METTL8: variants seen among roughly 807,000 people sequenced by gnomAD.
METTL8 encodes the protein tRNA N(3)-cytidine methyltransferase METTL8, mitochondrial.
A neutral mutation model predicts 48.7 loss-of-function variants in METTL8; 32 were observed. The ratio of observed to expected loss-of-function variants is 0.66; its 90% CI spans 0.50 to 0.88. The LOEUF is 0.88. METTL8 is among the 40% of genes least tolerant of loss of function. The pLI, the probability that METTL8 is intolerant of heterozygous loss-of-function variation, is 0.00. For missense variants in METTL8, 464 were observed against 474.4 expected (o/e 0.98, Z 0.20); for synonymous variants, 136 against 157.1 (o/e 0.87, Z 1.01).
At chr2:171,348,713 T>C (rs987517186) in intron 3 of METTL8, among the ~76,000 whole-genome samples, 2 of 152,186 alleles carry the variant, frequency 1.3e-5, no homozygotes, top group Non-Finnish European at 2.9e-5. Context: ...ATATGGTTGA[T>C]GTTTACATAG....
chr2:171,424,861 C>T (rs12469151), intron 1 of METTL8, among the ~76,000 whole-genome samples: 43,674 of 151,844 alleles, frequency 0.29, 7,231 homozygotes, highest in East Asian at 0.63. Flanking sequence ...CTGGGAGGGG[C>T]CAGGGGCAGA....
At chr2:171,359,759 T>C (rs1259992415) in intron 3 of METTL8, among the ~76,000 whole-genome samples, 3 of 152,028 alleles carry the variant, frequency 2.0e-5, no homozygotes, top group African/African-American at 4.8e-5. Flanking sequence ...ACTACAGGCA[T>C]GTGCCACCAC....
chr2:171,417,113 T>C, intron 1 of METTL8, among the ~76,000 whole-genome samples: 1 of 152,186 alleles, frequency 6.6e-6, no homozygotes, highest in South Asian at 2.1e-4. Context: ...AAAATTAACT[T>C]AGAATTTCTA....
At chr2:171,434,755 C>G, upstream of METTL8, 3 of 1,389,430 alleles carry the variant, frequency 2.2e-6, no homozygotes, top group Non-Finnish European at 2.8e-6. Context: ...GCGCGGCGGC[C>G]GAGCCTCCTG....
chr2:171,375,020 G>A (rs1257504268), intron 2 of METTL8: 18 of 1,023,940 alleles, frequency 1.8e-5, no homozygotes, highest in East Asian at 7.1e-5. Context: ...TCACGAGATC[G>A]ATTCCTGACT....
At chr2:171,425,695 T>C (rs761178409) in intron 1 of METTL8, among the ~76,000 whole-genome samples, 3 of 152,192 alleles carry the variant, frequency 2.0e-5, no homozygotes, top group Non-Finnish European at 4.4e-5. Context: ...GAGAATTAGG[T>C]TATGCTGTTT....
intron 2 of METTL8, among the ~76,000 whole-genome samples, chr2:171,378,915 A>G (rs747157073): frequency 1.3e-5 from 2 of 152,226 alleles, no homozygotes; most frequent in South Asian, 2.1e-4. Flanking sequence ...GAACTGATGG[A>G]TATCTACAGA....
At position 171,322,389 on chromosome 2, in the gene METTL8, T is replaced by C. The variant is rs934300360; in HGVS notation, c.*1783A>G. 1 of 152,070 alleles carries C rather than the reference T, an allele frequency of 6.6e-6. No individual in the cohort carries two copies. The highest frequency in any genetic ancestry group is 1.5e-5 in the Non-Finnish European group (1 of 68,020). The allele number at this position is 152,070 out of a possible 1,614,324, so 9.4% of individuals were successfully genotyped here. The stretch of plus-strand genomic sequence containing the variant: ...GGATCCAGACGCCAAGAGAGGATTC[T>C]TGGATCTTGTGCAAGAAAGAATTGA... On this transcript the variant is annotated 3_prime_UTR_variant, in exon 10 of 10. Coordinates refer to ENST00000375258, the MANE Select transcript of METTL8 (RefSeq NM_001321154.2).
At chr2:171,396,329 G>A (rs989126119) in intron 1 of METTL8, among the ~76,000 whole-genome samples, 2 of 152,082 alleles carry the variant, frequency 1.3e-5, no homozygotes, top group East Asian at 3.9e-4. Context: ...CATACAGAGT[G>A]TGCTTTTTGA....
chr2:171,325,856 A>G lies in METTL8; in HGVS notation c.1018T>C (p.Tyr340His). ...FYVRGDGTRAYFFTKGEVHSM... is the reference protein window; with the variant it reads ...FYVRGDGTRAHFFTKGEVHSM... ...ATTAGCATACCTTTTGTAAAGAAAT[A>G]TGCTCTGGTACCATCTCCTCGAACA... The change falls in exon 9 of 10, where the codon TAT becomes CAT. Residue 340 changes from tyrosine (Y) to histidine (H), a missense_variant. Coordinates refer to ENST00000375258, the MANE Select transcript of METTL8 (RefSeq NM_001321154.2). 5.7e-6 allele frequency: 9 copies of G among 1,588,332 alleles called. No individual in the cohort carries two copies. Among genetic ancestry groups the G allele is most frequent in the Non-Finnish European group, 7.7e-6 (9 of 1,164,446 alleles).
intron 2 of METTL8, among the ~76,000 whole-genome samples, chr2:171,382,519 A>G (rs574153991): frequency 6.6e-6 from 1 of 152,254 alleles, no homozygotes; most frequent in East Asian, 1.9e-4. Flanking sequence ...ACACATGGAC[A>G]CAGGCAGGGG....
chr2:171,352,163 AG>A (rs1186530358), intron 3 of METTL8, among the ~76,000 whole-genome samples: 1 of 152,238 alleles, frequency 6.6e-6, no homozygotes, highest in African/African-American at 2.4e-5. Flanking sequence ...GAGTTGTTTT[AG>A]CAAGAAGGGC....
At chr2:171,421,939 G>C (rs1054278408) in intron 1 of METTL8, among the ~76,000 whole-genome samples, 1 of 152,170 alleles carries the variant, frequency 6.6e-6, no homozygotes, top group African/African-American at 2.4e-5. Context: ...CAGATTTAAT[G>C]CCATCCCAAT....
At chr2:171,356,952 A>ATGTTTTTGT in intron 3 of METTL8, among the ~76,000 whole-genome samples, 1 of 78,468 alleles carries the variant, frequency 1.3e-5, no homozygotes, top group Non-Finnish European at 2.4e-5. Context: ...CAAAGACAAT[A>ATGTTTTTGT]TTTTTTTTTT....
In METTL8 at chr2:171,352,195, C is replaced by T. The variant is rs549743002; in HGVS notation, c.235+8227G>A. Among the ~76,000 whole-genome samples the T allele has an allele frequency of 4.2e-3, 635 of 152,298 alleles. 1 individual carries two copies. Among genetic ancestry groups the T allele is most frequent in the Non-Finnish European group, 7.3e-3 (494 of 68,030 alleles). On this transcript the variant is annotated intron_variant, in intron 3 of 9. Transcript: ENST00000375258. ...AGGGCTGTTGAATTTTGTTGAAGGC[C>T]TTTTCTGCATCCATTGAGATAATCA...
chr2:171,339,921 A>G (rs6744452), intron 3 of METTL8, among the ~76,000 whole-genome samples: 52,459 of 152,064 alleles, frequency 0.34, 9,568 homozygotes, highest in African/African-American at 0.43. Context: ...AGAAAGGTCC[A>G]GGCGCGGTGG....
At chr2:171,429,499 A>G (rs1005654195) in intron 1 of METTL8, among the ~76,000 whole-genome samples, 10 of 152,220 alleles carry the variant, frequency 6.6e-5, no homozygotes, top group Non-Finnish European at 1.0e-4. Flanking sequence ...AGGTCCAACT[A>G]AAGTCTCATT....
intron 1 of METTL8, among the ~76,000 whole-genome samples, chr2:171,408,543 C>T (rs1029263713): frequency 3.9e-5 from 6 of 152,106 alleles, no homozygotes; most frequent in Middle Eastern, 3.2e-3. Context: ...CCACCCACCT[C>T]GGCCTCCCAA....
chr2:171,430,200 A>G (rs1474083905), intron 1 of METTL8, among the ~76,000 whole-genome samples: 1 of 152,068 alleles, frequency 6.6e-6, no homozygotes, highest in Non-Finnish European at 1.5e-5. Flanking sequence ...TCTACTAAAA[A>G]TATTAAAATT....
Sources: allele counts gnomAD v4.1 joint callset (sites outside exome capture counted in the v4.1 genomes callset), GRCh38; gene constraint gnomAD v4.1.1; transcripts MANE v1.5; gene names NCBI Gene and HGNC (gene_info 2026-07-23, HGNC 2026-07-21).